CPSF2: variants seen among roughly 807,000 people sequenced by gnomAD.
The protein encoded by CPSF2 is cleavage and polyadenylation specificity factor subunit 2.
A neutral mutation model predicts 84.2 loss-of-function variants in CPSF2; 51 were observed. The observed-to-expected ratio is 0.61, with a 90% CI of 0.48 to 0.77. The LOEUF (loss-of-function observed/expected upper bound fraction) is 0.77. CPSF2 is among the 30% of genes least tolerant of loss of function. The probability of loss-of-function intolerance (pLI) is 0.00; values close to 1 mark genes in which losing one functional copy is unlikely to be tolerated. For missense variants in CPSF2, 641 were observed against 929.4 expected, an observed-to-expected ratio of 0.69 and a Z score of 4.03; for synonymous variants, 286 against 311.9, an observed-to-expected ratio of 0.92 and a Z score of 0.87.
At chr14:92,124,646 T>C (rs770317759) in intron 1 of CPSF2, among the ~76,000 whole-genome samples, 1 of 152,206 alleles carries the variant, frequency 6.6e-6, no homozygotes, top group African/African-American at 2.4e-5. Context: ...AGATCTGCAC[T>C]GTTATGGTAG....
intron 7 of CPSF2, among the ~76,000 whole-genome samples, chr14:92,140,949 G>A (rs529291426): frequency 2.6e-5 from 4 of 152,036 alleles, no homozygotes; most frequent in Admixed American, 1.3e-4. Flanking sequence ...AAAAAGTAGC[G>A]GCTCTTTAAG....
At chr14:92,150,728 A>G (rs2069204602) in intron 9 of CPSF2, among the ~76,000 whole-genome samples, 1 of 152,158 alleles carries the variant, frequency 6.6e-6, no homozygotes, top group South Asian at 2.1e-4. Context: ...CCAGTCTGGA[A>G]CACCATTTTT....
intron 1 of CPSF2, among the ~76,000 whole-genome samples, chr14:92,123,252 C>T (rs953354311): frequency 2.0e-5 from 3 of 152,086 alleles, no homozygotes; most frequent in Admixed American, 6.6e-5. Flanking sequence ...CCTCAGACTC[C>T]CGAGTAGCTG....
At chr14:92,150,559 C>T (rs1310778960) in intron 9 of CPSF2, among the ~76,000 whole-genome samples, 2 of 152,066 alleles carry the variant, frequency 1.3e-5, no homozygotes, top group Non-Finnish European at 2.9e-5. Context: ...TTCCTACCAG[C>T]TAGGACTACG....
Position 92,156,514 on chromosome 14 carries a change from C to T in CPSF2, c.1478C>T (p.Thr493Ile). 1.2e-6 allele frequency: 2 copies of T among 1,612,740 alleles called. No homozygotes were observed. The highest frequency in any genetic ancestry group is 1.7e-6 in the Non-Finnish European group (2 of 1,179,576). ...EDFLVPELQA[T>I]EEEKSKLESG... ...TTCTTAGTGCCAGAGCTTCAAGCTACTGAAGAAGAAAAAAGCAAATTAGAA... is the reference window on the plus strand; with the variant it reads ...TTCTTAGTGCCAGAGCTTCAAGCTATTGAAGAAGAAAAAAGCAAATTAGAA... Residue 493 changes from threonine (T) to isoleucine (I), a missense_variant, in exon 12 of 16, where the codon ACT becomes ATT. Around this residue, in one of 2 missense-constraint regions of CPSF2, gnomAD observed 430 missense variants for 553.6 expected, o/e 0.78. Coordinates refer to ENST00000298875, the MANE Select transcript of CPSF2 (RefSeq NM_017437.3).
chr14:92,122,903 G>A (rs1210432930), intron 1 of CPSF2, among the ~76,000 whole-genome samples: 1 of 148,686 alleles, frequency 6.7e-6, no homozygotes, highest in Non-Finnish European at 1.5e-5. Context: ...TGCCCAGGCC[G>A]GTGTCGAACT....
In CPSF2 at chr14:92,131,017, T is replaced by C; in HGVS notation, c.33T>C (p.Ser11=). Residue 11 remains serine (S), a synonymous_variant, in exon 3 of 16, where the codon TCT becomes TCC. Transcript: ENST00000298875. ...CTATTATCAAATTAACTACCCTTTC[T>C]GGGGTCCAAGAAGAATCTGCCCTTT... MTSIIKLTTL[S]GVQEESALCY... 6.2e-7 allele frequency: 1 copy of C among 1,612,572 alleles called. No individual in the cohort carries two copies. Among genetic ancestry groups the C allele is most frequent in the South Asian group, 1.1e-5 (1 of 90,502 alleles).
At chr14:92,144,560 G>A (rs1284137637) in intron 9 of CPSF2, among the ~76,000 whole-genome samples, 3 of 152,148 alleles carry the variant, frequency 2.0e-5, no homozygotes, top group Non-Finnish European at 4.4e-5. Context: ...CCACAATTAA[G>A]CAAAATTTTG....
rs11625848 is a variant in CPSF2, at chr14:92,142,577, T to A, written c.849+226T>A. On this transcript the variant is annotated intron_variant, in intron 8 of 15. Coordinates refer to ENST00000298875, the MANE Select transcript of CPSF2 (RefSeq NM_017437.3). ...TTCCATTGTGTCCCTGTTTTAAAGA[T>A]TAGGCAAATTGCTTCCCTTCTAACT... Among the ~76,000 whole-genome samples, 1,061 of 152,330 alleles carry A rather than the reference T, an allele frequency of 7.0e-3. 9 individuals are homozygous for A. The highest frequency in any genetic ancestry group is 0.011 in the Non-Finnish European group (720 of 68,034).
chr14:92,153,653 TACTC>T (rs543621674), intron 9 of CPSF2, among the ~76,000 whole-genome samples: 33 of 151,852 alleles, frequency 2.2e-4, no homozygotes, highest in Non-Finnish European at 2.4e-4. Flanking sequence ...ACTCAAGTGA[TACTC>T]AGTCTCTGAG....
intron 1 of CPSF2, among the ~76,000 whole-genome samples, chr14:92,124,082 G>C (rs188182283): frequency 8.5e-5 from 13 of 152,322 alleles, no homozygotes; most frequent in Admixed American, 4.6e-4. Flanking sequence ...ACAGAGCTTT[G>C]AGAAGCTTTA....
At chr14:92,141,162 G>C (rs2069073565) in intron 7 of CPSF2, among the ~76,000 whole-genome samples, 1 of 151,742 alleles carries the variant, frequency 6.6e-6, no homozygotes, top group African/African-American at 2.4e-5. Context: ...ACTAACTGTG[G>C]ATTGAAAATA....
At position 92,161,591 on chromosome 14, in the gene CPSF2, T is replaced by A. The variant is rs1228534284; in HGVS notation, c.2257-61T>A. 5.1e-6 allele frequency: 6 copies of A among 1,184,520 alleles called. No homozygotes were observed. The Admixed American group carries it at 1.2e-4, about 24-fold the overall frequency. 73.4% of individuals were successfully genotyped at this position (1,184,520 alleles called of 1,614,324 possible). ...TAATCTATTTCATATATTTCGGTTA[T>A]TATGTCTGCATATTAATGAATAGAA... On this transcript the variant is annotated intron_variant, in intron 15 of 15. Transcript: ENST00000298875.
chr14:92,159,397 A>G (rs1446427671), intron 14 of CPSF2, 115 bp downstream of exon 14: 1 of 774,746 alleles, frequency 1.3e-6, no homozygotes, highest in Non-Finnish European at 2.1e-6. Context: ...GGAACCTTTT[A>G]TATTTTTAAC....
intron 7 of CPSF2, among the ~76,000 whole-genome samples, chr14:92,141,319 C>T (rs965628960): frequency 2.6e-5 from 4 of 151,960 alleles, no homozygotes; most frequent in African/African-American, 7.3e-5. Context: ...GGAGGATGTA[C>T]GTAGGTTATA....
At chr14:92,142,962 A>G (rs1038591824) in intron 8 of CPSF2, 42 bp from the exon 9 acceptor site, 1 of 1,468,102 alleles carries the variant, frequency 6.8e-7, no homozygotes, top group Non-Finnish European at 9.3e-7. Flanking sequence ...TGAAGTTATA[A>G]TATAGTATTT....
rs1555416452 is a variant in CPSF2 at position 92,169,474 on chromosome 14, AGAT to A, written c.*7736_*7738del. 1.3e-5 allele frequency: 2 copies of A among 152,214 alleles called. No homozygotes were observed. Among genetic ancestry groups the A allele is most frequent in the African/African-American group, 2.4e-5 (1 of 41,462 alleles). 9.4% of individuals were successfully genotyped at this position (152,214 alleles called of 1,614,324 possible). On this transcript the variant is annotated 3_prime_UTR_variant, in exon 16 of 16. Coordinates refer to ENST00000298875, the MANE Select transcript of CPSF2 (RefSeq NM_017437.3). ...ACTTTTATAAAGTATCAAATTATGTAGATGATGACGAAGTTATAAGGTTACTAT... is the reference window on the plus strand; with the variant it reads ...ACTTTTATAAAGTATCAAATTATGTAGATGACGAAGTTATAAGGTTACTAT...
At position 92,155,312 on chromosome 14, in the gene CPSF2, A is replaced by G; in HGVS notation, c.1431A>G (p.Gly477=). 6.2e-7 allele frequency: 1 copy of G among 1,613,430 alleles called. No homozygotes were observed. Among genetic ancestry groups the G allele is most frequent in the Non-Finnish European group, 8.5e-7 (1 of 1,179,392 alleles). The change falls in exon 11 of 16, where the codon GGA becomes GGG. Residue 477 remains glycine (G), a synonymous_variant. Transcript: ENST00000298875. ...PEERIKWDEY[G]EIIKPEDFLV... is the part of the protein sequence containing the mutation. ...AAAGAATTAAATGGGATGAATATGG[A>G]GAGATTATCAAGTATGTGAGCAAAA...
chr14:92,155,085 A>G (rs1022563054), intron 10 of CPSF2, 38 bp from the exon 11 acceptor site: 81 of 1,327,966 alleles, frequency 6.1e-5, no homozygotes, highest in Non-Finnish European at 8.7e-5. Context: ...AATATCTTTG[A>G]AACTTTATGA....
Sources: gnomAD v4.1 joint callset for allele counts (sites outside exome capture counted in the v4.1 genomes callset) on GRCh38, gnomAD v4.1.1 for gene constraint, gnomAD v4.1.1 regional missense constraint, MANE v1.5 for transcripts, NCBI Gene and HGNC (gene_info 2026-07-23, HGNC 2026-07-21) for gene names.